DGKI: variants seen among roughly 807,000 people sequenced by gnomAD.
DGKI encodes the protein diacylglycerol kinase iota.
Under a neutral mutation model 147.5 loss-of-function variants are expected in DGKI, and 55 were observed. The observed-to-expected ratio is 0.37, with a 90% CI of 0.30 to 0.47. DGKI has a LOEUF of 0.47. Among genes scored for constraint, DGKI ranks in the 20% least tolerant of loss-of-function variants. DGKI has a pLI of 1.00. For missense variants in DGKI, 1,007 were observed against 1,323.8 expected (o/e 0.76, Z 3.71); for synonymous variants, 469 against 477.1 (o/e 0.98, Z 0.22).
At chr7:137,689,570 A>C (rs1419312187) in intron 2 of DGKI, among the ~76,000 whole-genome samples, 3 of 152,250 alleles carry the variant, frequency 2.0e-5, no homozygotes, top group Non-Finnish European at 4.4e-5. Flanking sequence ...GAGATGTTGC[A>C]CTAAGGGTAA....
intron 3 of DGKI, among the ~76,000 whole-genome samples, chr7:137,668,060 C>G (rs270905): frequency 0.031 from 4,730 of 152,310 alleles, 88 homozygotes; most frequent in Non-Finnish European, 0.041. Context: ...GAGTGGAAGT[C>G]TTTCTAACCC....
At chr7:137,673,880 G>A (rs2116365924) in intron 3 of DGKI, among the ~76,000 whole-genome samples, 1 of 152,282 alleles carries the variant, frequency 6.6e-6, no homozygotes, top group South Asian at 2.1e-4. Context: ...CAGAGCATGA[G>A]AACAGTTTCT....
intron 1 of DGKI, among the ~76,000 whole-genome samples, chr7:137,814,035 G>A (rs914727672): frequency 1.3e-5 from 2 of 152,132 alleles, no homozygotes; most frequent in Non-Finnish European, 2.9e-5. Context: ...AACCCCAAAG[G>A]ACAGCTTTAC....
At chr7:137,827,498 A>C (rs1040459146) in intron 1 of DGKI, among the ~76,000 whole-genome samples, 3 of 151,900 alleles carry the variant, frequency 2.0e-5, no homozygotes, top group Non-Finnish European at 4.4e-5. Flanking sequence ...CGCTTTCCAT[A>C]CTCTCCCTCC....
Position 137,444,071 on chromosome 7 carries a change from T to C in DGKI, c.2761+6A>G, listed in dbSNP as rs1585120727. 6.4e-7 allele frequency: 1 copy of C among 1,565,728 alleles called. No individual in the cohort carries two copies. The highest frequency in any genetic ancestry group is 1.2e-5 in the South Asian group (1 of 83,694). ...AATTGGTATAAATAAGACAGATGATTCTTACCATGATCTTCTGAAGAGACT... is the reference window on the plus strand; with the variant it reads ...AATTGGTATAAATAAGACAGATGATCCTTACCATGATCTTCTGAAGAGACT... On this transcript the variant is annotated splice_donor_region_variant and intron_variant, in intron 28 of 32. Coordinates refer to ENST00000614521, the MANE Select transcript of DGKI (RefSeq NM_001321708.2).
At chr7:137,546,433 A>G (rs982867387) in intron 20 of DGKI, among the ~76,000 whole-genome samples, 6 of 152,216 alleles carry the variant, frequency 3.9e-5, no homozygotes, top group Admixed American at 3.3e-4. Context: ...CTTTATAGGA[A>G]CACTCACCAA....
intron 28 of DGKI, among the ~76,000 whole-genome samples, chr7:137,422,301 G>C (rs1452934475): frequency 1.3e-5 from 2 of 152,084 alleles, no homozygotes; most frequent in East Asian, 3.9e-4. Context: ...AGTCACAAAG[G>C]ACCAGCAAAG....
At chr7:137,548,591 T>G (rs987177709) in intron 20 of DGKI, among the ~76,000 whole-genome samples, 14 of 151,294 alleles carry the variant, frequency 9.3e-5, no homozygotes, top group Non-Finnish European at 8.8e-5. Flanking sequence ...TCCTGAAGCC[T>G]CACCAGAAGC....
At chr7:137,710,684 C>T (rs901474280) in intron 1 of DGKI, among the ~76,000 whole-genome samples, 1 of 151,928 alleles carries the variant, frequency 6.6e-6, no homozygotes, top group African/African-American at 2.4e-5. Context: ...GAAGATAATA[C>T]AGGAAAGTAT....
Position 137,385,425 on chromosome 7 carries a change from T to C in DGKI, c.*5795A>G, listed in dbSNP as rs1811154250. The C allele has an allele frequency of 6.6e-6, 1 of 152,082 alleles. No individual in the cohort carries two copies. The allele number at this position is 152,082 out of a possible 1,614,324, so 9.4% of individuals were successfully genotyped here. On this transcript the variant is annotated 3_prime_UTR_variant, in exon 33 of 33. Transcript: ENST00000614521. ...TTTGAAAAATCACAGCATCTAATTTTAGCCCCCTCAAATCACATATTCCTA... is the reference window on the plus strand; with the variant it reads ...TTTGAAAAATCACAGCATCTAATTTCAGCCCCCTCAAATCACATATTCCTA...
chr7:137,695,466 A>G (rs1168216464), intron 1 of DGKI, among the ~76,000 whole-genome samples: 1 of 152,186 alleles, frequency 6.6e-6, no homozygotes, highest in Admixed American at 6.5e-5. Context: ...ATCTTTTTAC[A>G]TATTTTACGT....
At chr7:137,824,248 G>A (rs917638772) in intron 1 of DGKI, among the ~76,000 whole-genome samples, 20 of 152,170 alleles carry the variant, frequency 1.3e-4, no homozygotes, top group Admixed American at 1.1e-3. Context: ...CAGGTGCAGC[G>A]GCTCACGCCT....
At chr7:137,771,753 AT>A (rs1796204572) in intron 1 of DGKI, 1 of 152,196 alleles carries the variant, frequency 6.6e-6, no homozygotes, top group Non-Finnish European at 1.5e-5. Context: ...TCATTCAAAT[AT>A]GTCTAACAGA....
chr7:137,493,702 T>C, intron 21 of DGKI: 1 of 697,896 alleles, frequency 1.4e-6, no homozygotes. Flanking sequence ...CTTCAAAGAC[T>C]GAAGGAAAAT....
intron 23 of DGKI, among the ~76,000 whole-genome samples, chr7:137,479,314 A>T (rs527584808): frequency 6.6e-6 from 1 of 152,304 alleles, no homozygotes; most frequent in Non-Finnish European, 1.5e-5. Context: ...TGCTCATTTC[A>T]AAAATCCCTG....
chr7:137,687,934 T>A (rs1471338263), intron 2 of DGKI, among the ~76,000 whole-genome samples: 1 of 152,126 alleles, frequency 6.6e-6, no homozygotes, highest in Non-Finnish European at 1.5e-5. Flanking sequence ...AACCCAGCCT[T>A]CATTCCTATT....
At chr7:137,403,500 C>T (rs927525799) in intron 30 of DGKI, among the ~76,000 whole-genome samples, 2 of 152,146 alleles carry the variant, frequency 1.3e-5, no homozygotes, top group African/African-American at 4.8e-5. Context: ...GCGGCCCACA[C>T]TCCTGACCAG....
chr7:137,608,106 C>T (rs937713520), intron 10 of DGKI, among the ~76,000 whole-genome samples: 1 of 152,176 alleles, frequency 6.6e-6, no homozygotes, highest in Non-Finnish European at 1.5e-5. Flanking sequence ...ATTTATACAA[C>T]TTACCTTCCT....
At chr7:137,507,649 C>T (rs139361031) in intron 21 of DGKI, among the ~76,000 whole-genome samples, 14 of 152,170 alleles carry the variant, frequency 9.2e-5, no homozygotes, top group Admixed American at 2.0e-4. Context: ...TTTTAGCAAA[C>T]GGGTTTTAAG....
Sources: gnomAD v4.1 joint callset for allele counts (sites outside exome capture counted in the v4.1 genomes callset) on GRCh38, gnomAD v4.1.1 for gene constraint, MANE v1.5 for transcripts, NCBI Gene and HGNC (gene_info 2026-07-23, HGNC 2026-07-21) for gene names.